STK17A: variants seen among roughly 807,000 people sequenced by gnomAD.
The protein encoded by STK17A is serine/threonine kinase 17a.
In STK17A, 26 loss-of-function variants were observed where a neutral mutation model predicts 43.7. The ratio of observed to expected loss-of-function variants is 0.60; its 90% CI spans 0.44 to 0.83. STK17A has a LOEUF of 0.83. Among genes scored for constraint, STK17A ranks in the 40% least tolerant of loss-of-function variants. The pLI is 0.00. For missense variants in STK17A, 476 were observed against 511.6 expected (o/e 0.93, Z 0.67); for synonymous variants, 191 against 182.5 (o/e 1.05, Z -0.38).
chr7:43,623,647 C>A, intron 5 of STK17A, 27 bp downstream of exon 5: 2 of 1,607,546 alleles, frequency 1.2e-6, no homozygotes, highest in South Asian at 2.2e-5. Context: ...AAAAATTGAT[C>A]AAATTAGTTT....
intron 1 of STK17A, among the ~76,000 whole-genome samples, chr7:43,594,672 G>A (rs1438565633): frequency 1.3e-5 from 2 of 152,116 alleles, no homozygotes; most frequent in African/African-American, 4.8e-5. Context: ...CACTTACTGT[G>A]TGGCAAGTAC....
chr7:43,588,616 G>A (rs552752887), intron 1 of STK17A, among the ~76,000 whole-genome samples: 20 of 151,458 alleles, frequency 1.3e-4, no homozygotes, highest in African/African-American at 3.4e-4. Flanking sequence ...CAAGGTGGGC[G>A]GATCACTTGA....
chr7:43,602,695 C>T (rs1259509634), intron 2 of STK17A, among the ~76,000 whole-genome samples: 3 of 152,154 alleles, frequency 2.0e-5, no homozygotes, highest in Non-Finnish European at 2.9e-5. Context: ...GTTCCATCAG[C>T]GTTACTTATG....
Position 43,624,547 on chromosome 7 carries a change from A to G in STK17A, c.950A>G (p.Lys317Arg). 6.2e-7 allele frequency: 1 copy of G among 1,613,712 alleles called. No individual in the cohort carries two copies. Among genetic ancestry groups the G allele is most frequent in the South Asian group, 1.1e-5 (1 of 91,074 alleles). Residue 317 changes from lysine to arginine, a missense_variant, in exon 7 of 7, where the codon AAG (lysine) becomes AGG (arginine). Physicochemically the swap from Lys to Arg is conservative, Grantham distance 26. Transcript: ENST00000319357. ...EDRATAEECL[K>R]HPWLTQSSIQ... Reference sequence around the variant, plus strand: ...CGAGCCACTGCTGAAGAATGTCTAAAGCACCCCTGGTTGACACAGAGCAGT... The same window carrying G: ...CGAGCCACTGCTGAAGAATGTCTAAGGCACCCCTGGTTGACACAGAGCAGT...
intron 2 of STK17A, among the ~76,000 whole-genome samples, chr7:43,605,606 A>C (rs1266458631): frequency 6.6e-6 from 1 of 151,926 alleles, no homozygotes; most frequent in Non-Finnish European, 1.5e-5. Context: ...CAGCTGTCTT[A>C]GCCTTGCCAA....
chr7:43,606,916 CTTTTTTTTTTT>C (rs71011933), intron 2 of STK17A, among the ~76,000 whole-genome samples: 6 of 62,638 alleles, frequency 9.6e-5, no homozygotes, highest in East Asian at 7.1e-4. Flanking sequence ...TTTCGATTTT[CTTTTTTTTTTT>C]TTTTTTTTTT....
chr7:43,589,706 A>G (rs983185797), intron 1 of STK17A, among the ~76,000 whole-genome samples: 13 of 142,568 alleles, frequency 9.1e-5, no homozygotes, highest in Non-Finnish European at 1.5e-4. Context: ...TACAACTCAC[A>G]CCTGCCAGGG....
At chr7:43,585,219 G>C (rs1420261576) in intron 1 of STK17A, among the ~76,000 whole-genome samples, 1 of 151,910 alleles carries the variant, frequency 6.6e-6, no homozygotes, top group Non-Finnish European at 1.5e-5. Flanking sequence ...GGAAAACTAC[G>C]TTTTTCCATT....
chr7:43,625,529 T>A lies in STK17A; in HGVS notation c.*687T>A, dbSNP rs1194470935. On this transcript the variant is annotated 3_prime_UTR_variant, in exon 7 of 7. Coordinates refer to ENST00000319357, the MANE Select transcript of STK17A (RefSeq NM_004760.3). ...CCTCTGAAATTATTCTGGGTTTAGGTGTCAGCTCTTGAGCTGCTTCCCTCA... is the reference window on the plus strand; with the variant it reads ...CCTCTGAAATTATTCTGGGTTTAGGAGTCAGCTCTTGAGCTGCTTCCCTCA... 1.3e-5 allele frequency: 2 copies of A among 152,210 alleles called. No homozygotes were observed. The highest frequency in any genetic ancestry group is 1.9e-4 in the East Asian group (1 of 5,194). The allele number at this position is 152,210 out of a possible 1,614,324, so 9.4% of individuals were successfully genotyped here. A position where few individuals can be genotyped will look rare whatever the true frequency, so the allele number is the denominator to read the frequency against.
At chr7:43,616,214 C>G (rs1357843437) in intron 3 of STK17A, among the ~76,000 whole-genome samples, 1 of 152,212 alleles carries the variant, frequency 6.6e-6, no homozygotes, top group Non-Finnish European at 1.5e-5. Flanking sequence ...TATTTATCGC[C>G]TGAGCACTTT....
In STK17A at chr7:43,585,292, T is replaced by C. The variant is rs967570139; in HGVS notation, c.206+1843T>C. Among the ~76,000 whole-genome samples the C allele has an allele frequency of 1.4e-4, 21 of 151,974 alleles. 1 individual carries two copies. Among genetic ancestry groups the C allele is most frequent in the Non-Finnish European group, 2.5e-4 (17 of 67,768 alleles). ...TGCAAATATTACAAAACGAATGTCT[T>C]CAGGTGGCAAGCACTGTCTTGGAGA... On this transcript the variant is annotated intron_variant, in intron 1 of 6. Transcript: ENST00000319357.
At chr7:43,607,921 T>A (rs2152972790) in intron 2 of STK17A, among the ~76,000 whole-genome samples, 1 of 152,228 alleles carries the variant, frequency 6.6e-6, no homozygotes, top group African/African-American at 2.4e-5. Flanking sequence ...TGGTGCATCT[T>A]GAGCTACTTG....
chr7:43,616,713 C>T (rs185725491), intron 3 of STK17A, among the ~76,000 whole-genome samples: 4 of 152,080 alleles, frequency 2.6e-5, no homozygotes, highest in African/African-American at 7.2e-5. Flanking sequence ...CTGGCTAACA[C>T]GGTGAAACCC....
Position 43,595,994 on chromosome 7 carries a change from T to A in STK17A, c.300T>A (p.Asp100Glu). Residue 100 changes from aspartate to glutamate, a missense_variant, in exon 2 of 7, where the codon GAT becomes GAA. Physicochemically the swap from Asp to Glu is conservative, Grantham distance 45 (BLOSUM62 2). This residue lies in a region of STK17A where 320 missense variants were observed against 326.3 expected (regional missense o/e 0.98). Coordinates refer to ENST00000319357, the MANE Select transcript of STK17A (RefSeq NM_004760.3). ...TGAGAAAAAGAAGAAAAGGCCAAGA[T>A]TGTCGGATGGAAATAATTCATGAGA... ...KFMRKRRKGQ[D>E]CRMEIIHEIA... The A allele has an allele frequency of 6.2e-7, 1 of 1,613,946 alleles. No individual in the cohort carries two copies. The highest frequency in any genetic ancestry group is 8.5e-7 in the Non-Finnish European group (1 of 1,179,934).
chr7:43,621,592 C>G (rs542946265), intron 4 of STK17A, among the ~76,000 whole-genome samples: 1 of 152,094 alleles, frequency 6.6e-6, no homozygotes, highest in African/African-American at 2.4e-5. Context: ...CTCAGCCTCC[C>G]GAGTAGCTGG....
chr7:43,595,452 T>G (rs1445208119), intron 1 of STK17A, among the ~76,000 whole-genome samples: 1 of 152,052 alleles, frequency 6.6e-6, no homozygotes, highest in East Asian at 1.9e-4. Flanking sequence ...CTAATTTTTG[T>G]ATTTTTAGTA....
chr7:43,609,985 A>G (rs1158032258), intron 3 of STK17A, among the ~76,000 whole-genome samples: 1 of 152,232 alleles, frequency 6.6e-6, no homozygotes, highest in Non-Finnish European at 1.5e-5. Context: ...CCACAACCCT[A>G]AAGTTTCTGA....
chr7:43,590,410 G>A (rs983507374), intron 1 of STK17A, among the ~76,000 whole-genome samples: 1 of 151,194 alleles, frequency 6.6e-6, no homozygotes, highest in Non-Finnish European at 1.5e-5. Flanking sequence ...TAGGGAGCTC[G>A]GACTGGTGGG....
At chr7:43,617,282 A>G (rs976582032) in intron 3 of STK17A, among the ~76,000 whole-genome samples, 1 of 152,248 alleles carries the variant, frequency 6.6e-6, no homozygotes, top group Non-Finnish European at 1.5e-5. Flanking sequence ...AGGGGACAAC[A>G]GATCCAATTT....
Sources: allele counts gnomAD v4.1 joint callset (sites outside exome capture counted in the v4.1 genomes callset), GRCh38; gene constraint gnomAD v4.1.1; regional missense constraint gnomAD v4.1.1; transcripts MANE v1.5; gene names NCBI Gene and HGNC (gene_info 2026-07-23, HGNC 2026-07-21).